TBC1D9B: variants seen among roughly 807,000 people sequenced by gnomAD.
TBC1D9B encodes TBC1 domain family, member 9B (with GRAM domain).
A neutral mutation model predicts 121.1 loss-of-function variants in TBC1D9B; 87 were observed. The observed-to-expected ratio is 0.72, with a 90% CI of 0.60 to 0.86. The LOEUF is 0.86. Ranked by LOEUF, TBC1D9B falls within the 40% of genes least tolerant of loss-of-function variation. The pLI is 0.00. For missense variants in TBC1D9B, 1,540 were observed against 1,628.6 expected, an observed-to-expected ratio of 0.95 and a Z score of 0.94; for synonymous variants, 668 against 670.1, an observed-to-expected ratio of 1.00 and a Z score of 0.05.
At chr5:179,888,507 C>T (rs879578144) in intron 6 of TBC1D9B, among the ~76,000 whole-genome samples, 195 bp from the exon 7 acceptor site, 7 of 152,124 alleles carry the variant, frequency 4.6e-5, no homozygotes, top group East Asian at 3.9e-4. Context: ...TCTAAGGGCC[C>T]GTTTTTCCTG....
At chr5:179,881,205 T>C (rs1218135830) in intron 7 of TBC1D9B, among the ~76,000 whole-genome samples, 1 of 152,254 alleles carries the variant, frequency 6.6e-6, no homozygotes, top group African/African-American at 2.4e-5. Context: ...CTTACTGGCC[T>C]CAGGTGGGTG....
chr5:179,863,924 G>C lies in TBC1D9B; in HGVS notation c.3226C>G (p.Gln1076Glu). The change falls in exon 21 of 21, where the codon CAG (glutamine) becomes GAG (glutamate). Residue 1076 changes from glutamine to glutamate, a missense_variant. Gln to Glu is a conservative substitution (Grantham distance 29). Transcript: ENST00000355235. The surrounding 1 kb of genome is among the most constrained non-coding windows in gnomAD (Gnocchi z 4.5). ...GGCTGAAGCTCCCTGGCTGCGTCCTGATGCAGTTCGGGTGCTGGTGGCTCG... is the reference window on the plus strand; with the variant it reads ...GGCTGAAGCTCCCTGGCTGCGTCCTCATGCAGTTCGGGTGCTGGTGGCTCG... ...EDEPPAPELHQDAARELQPPA... is the reference protein window; with the variant it reads ...EDEPPAPELHEDAARELQPPA... The C allele has an allele frequency of 6.2e-7, 1 of 1,613,932 alleles. No homozygotes were observed. The highest frequency in any genetic ancestry group is 8.5e-7 in the Non-Finnish European group (1 of 1,180,020).
chr5:179,879,954 G>A, intron 7 of TBC1D9B, 165 bp from the exon 8 acceptor site: 1 of 812,794 alleles, frequency 1.2e-6, no homozygotes, highest in Non-Finnish European at 1.9e-6. Context: ...GGCTGTGGCT[G>A]CAGCTCAGCC....
rs1424213734 is a variant in TBC1D9B at position 179,891,035 on chromosome 5, C to A, written c.1044+344G>T. The stretch of plus-strand genomic sequence containing the variant: ...CGGTGCAGGAACACGGTCCTCTAAG[C>A]GCAGCCACGGAGCAGCACTTTGCCC... On this transcript the variant is annotated intron_variant, in intron 6 of 20. Transcript: ENST00000355235. This position sits in a 1 kb window ranked among gnomAD's most constrained non-coding sequence, Gnocchi z 4.3. Among the ~76,000 whole-genome samples, 1 of 152,336 alleles carries A rather than the reference C, an allele frequency of 6.6e-6. No individual in the cohort carries two copies. The highest frequency in any genetic ancestry group is 6.5e-5 in the Admixed American group (1 of 15,314).
intron 3 of TBC1D9B, among the ~76,000 whole-genome samples, chr5:179,898,894 T>C (rs887331740): frequency 1.3e-5 from 2 of 152,228 alleles, no homozygotes; most frequent in African/African-American, 4.8e-5. Context: ...TTCCAGCATC[T>C]CTTCTGGCAA....
chr5:179,874,955 C>T lies in TBC1D9B; in HGVS notation c.2133G>A (p.Met711Ile). 6.2e-7 allele frequency: 1 copy of T among 1,613,776 alleles called. No homozygotes were observed. The highest frequency in any genetic ancestry group is 2.2e-5 in the East Asian group (1 of 44,884). The change falls in exon 12 of 21, where the codon ATG (methionine) becomes ATA (isoleucine). Residue 711 changes from methionine (M) to isoleucine (I), a missense_variant. Physicochemically the swap from Met to Ile is conservative, Grantham distance 10. Transcript: ENST00000355235. This position sits in a 1 kb window ranked among gnomAD's most constrained non-coding sequence, Gnocchi z 4.3. ...CGTCGCTGCAGCCCAGCAGCTGCTC[C>T]ATGTTGGCGTCCAGGACGGCCAGGG... ...QVALAVLDAN[M>I]EQLLGCSDEG...
At chr5:179,894,310 G>T in intron 4 of TBC1D9B, 76 bp downstream of exon 4, 1 of 1,345,296 alleles carries the variant, frequency 7.4e-7, no homozygotes, top group Non-Finnish European at 1.0e-6. Flanking sequence ...GCCATGTGGG[G>T]ATGGAGTATC....
At chr5:179,872,657 G>A in intron 14 of TBC1D9B, 1 of 549,568 alleles carries the variant, frequency 1.8e-6, no homozygotes, top group Non-Finnish European at 3.2e-6. Flanking sequence ...CAGGGTGGGA[G>A]CCATCTGAGA....
chr5:179,906,702 T>C (rs182086), intron 1 of TBC1D9B, among the ~76,000 whole-genome samples: 67,097 of 152,118 alleles, frequency 0.44, 15,535 homozygotes, highest in East Asian at 0.76. Context: ...ACTGAGTGTT[T>C]CTGGGAACAG....
chr5:179,880,983 G>A (rs553012527), intron 7 of TBC1D9B, among the ~76,000 whole-genome samples: 1 of 152,166 alleles, frequency 6.6e-6, no homozygotes, highest in African/African-American at 2.4e-5. Context: ...GTGCCTTGGA[G>A]GATCACACAT....
intron 17 of TBC1D9B, 27 bp from the exon 18 acceptor site, chr5:179,867,876 G>GGGAGAGAA: frequency 6.6e-7 from 1 of 1,504,936 alleles, no homozygotes; most frequent in Non-Finnish European, 8.9e-7. Context: ...GGCAGAGTGA[G>GGGAGAGAA]GGCAGGAGGA....
intron 4 of TBC1D9B, among the ~76,000 whole-genome samples, chr5:179,893,858 G>A (rs1760942392): frequency 1.3e-5 from 2 of 152,196 alleles, no homozygotes; most frequent in African/African-American, 4.8e-5. Context: ...TGGCCACCTG[G>A]TCGTGACAGG....
intron 7 of TBC1D9B, among the ~76,000 whole-genome samples, chr5:179,887,410 C>T (rs1760720678): frequency 6.6e-6 from 1 of 152,264 alleles, no homozygotes; most frequent in African/African-American, 2.4e-5. Context: ...ACAAGAGACA[C>T]AGGAGCTTGC....
At chr5:179,869,188 C>A in intron 17 of TBC1D9B, 1 of 213,096 alleles carries the variant, frequency 4.7e-6, no homozygotes, top group Middle Eastern at 1.9e-3. Flanking sequence ...AGTGCCCAGC[C>A]CAGGATTTCC....
At chr5:179,879,546 C>T in intron 8 of TBC1D9B, 82 bp downstream of exon 8, 57 of 1,601,638 alleles carry the variant, frequency 3.6e-5, no homozygotes, top group Non-Finnish European at 4.9e-5. Flanking sequence ...TGAGGGAAGG[C>T]CCAGGCCCAG....
Position 179,893,422 on chromosome 5 carries a change from T to C in TBC1D9B, c.623A>G (p.Asn208Ser). 6.2e-7 allele frequency: 1 copy of C among 1,613,504 alleles called. No individual in the cohort carries two copies. Among genetic ancestry groups the C allele is most frequent in the Non-Finnish European group, 8.5e-7 (1 of 1,179,650 alleles). Residue 208 changes from asparagine (N) to serine (S), a missense_variant, in exon 5 of 21, where the codon AAC (asparagine) becomes AGC (serine). Transcript: ENST00000355235. ...GCTCTCGGGGAAGAGCAGGGTGGCG[T>C]TCTTCTCCAGACGCGTTATGTCCAC... ...QWVDITRLEK[N>S]ATLLFPESIR... is the part of the protein sequence containing the mutation.
chr5:179,874,217 C>T lies in TBC1D9B; in HGVS notation c.2186+685G>A, dbSNP rs1760290534. 6.6e-6 allele frequency among the ~76,000 whole-genome samples: 1 copy of T among 152,134 alleles called. No individual in the cohort carries two copies. Among genetic ancestry groups the T allele is most frequent in the Admixed American group, 6.5e-5 (1 of 15,282 alleles). Reference sequence around the variant, plus strand: ...TGGAGGCTCAGACAGTGCCTTTGTACAGAGGACCCAGGGAAGGGGCAGGGC... The same window carrying T: ...TGGAGGCTCAGACAGTGCCTTTGTATAGAGGACCCAGGGAAGGGGCAGGGC... On this transcript the variant is annotated intron_variant, in intron 12 of 20. Coordinates refer to ENST00000355235, the MANE Select transcript of TBC1D9B (RefSeq NM_015043.4). The surrounding 1 kb of genome is among the most constrained non-coding windows in gnomAD (Gnocchi z 4.3).
In TBC1D9B at chr5:179,863,721, GACC is replaced by G; in HGVS notation, c.3426_3428del (p.Val1143del). ...CTTCACATTGCAGGGAGCCCGTGCT[GACC>G]ACCGAGTAGGAGGACATGGACATGT... On this transcript the variant is annotated inframe_deletion, in exon 21 of 21. Transcript: ENST00000355235. The surrounding 1 kb of genome is among the most constrained non-coding windows in gnomAD (Gnocchi z 4.5). 6 of 1,613,664 alleles carry G rather than the reference GACC, an allele frequency of 3.7e-6. No individual in the cohort carries two copies. In the Middle Eastern group the frequency reaches 9.9e-4, roughly 266 times the overall value.
At chr5:179,899,116 T>G in intron 3 of TBC1D9B, 73 bp downstream of exon 3, 4 of 1,269,996 alleles carry the variant, frequency 3.1e-6, no homozygotes, top group African/African-American at 1.5e-5. Flanking sequence ...ATCGTGAAGA[T>G]GAAATAGGAT....
Sources: allele counts gnomAD v4.1 joint callset (sites outside exome capture counted in the v4.1 genomes callset), GRCh38; gene constraint gnomAD v4.1.1; non-coding constraint Gnocchi (gnomAD v3.1); transcripts MANE v1.5; gene names NCBI Gene and HGNC (gene_info 2026-07-23, HGNC 2026-07-21).